The following KLF12 variants were observed in gnomAD, a reference collection of about 807,000 sequenced individuals.
The protein encoded by KLF12 is KLF transcription factor 12.
In KLF12, 9 loss-of-function variants were observed where a neutral mutation model predicts 37.8. The ratio of observed to expected loss-of-function variants is 0.24; its 90% CI spans 0.14 to 0.42. KLF12 has a LOEUF of 0.42. Ranked by LOEUF, KLF12 falls within the 10% of genes least tolerant of loss-of-function variation. The pLI is 1.00. For missense variants in KLF12, 411 were observed against 516.0 expected, an observed-to-expected ratio of 0.80 and a Z score of 1.97; for synonymous variants, 208 against 202.1, an observed-to-expected ratio of 1.03 and a Z score of -0.25.
the KLF12 span, among the ~76,000 whole-genome samples, chr13:74,295,542 TGTG>T: frequency 1.3e-5 from 2 of 152,190 alleles, no homozygotes; most frequent in Non-Finnish European, 2.9e-5. Flanking sequence ...AATGTGCTGT[TGTG>T]GTGTGTTGTT....
At chr13:73,758,479 C>T (rs4883948) in intron 6 of KLF12, among the ~76,000 whole-genome samples, 72,076 of 151,898 alleles carry the variant, frequency 0.47, 19,539 homozygotes, top group East Asian at 0.77. Context: ...GTTAGTATGA[C>T]GGAGATGTTT....
intron 2 of KLF12, among the ~76,000 whole-genome samples, chr13:73,963,566 T>C (rs934758741): frequency 5.3e-5 from 8 of 152,236 alleles, no homozygotes; most frequent in African/African-American, 1.9e-4. Flanking sequence ...AACAATGTTT[T>C]TGGAACATCT....
chr13:73,860,355 A>G (rs1233227899), intron 3 of KLF12, among the ~76,000 whole-genome samples: 1 of 152,174 alleles, frequency 6.6e-6, no homozygotes, highest in Non-Finnish European at 1.5e-5. Flanking sequence ...CACCTATCAC[A>G]GTCCCCAGTA....
At chr13:73,760,456 A>ACAGGTGCATAC (rs1879476751) in intron 6 of KLF12, among the ~76,000 whole-genome samples, 1 of 152,010 alleles carries the variant, frequency 6.6e-6, no homozygotes, top group Non-Finnish European at 1.5e-5. Flanking sequence ...AGCTAGGACT[A>ACAGGTGCATAC]CAGGTGCATA....
Position 73,848,501 on chromosome 13 carries a change from T to C in KLF12, c.124-2128A>G, listed in dbSNP as rs1023776515. Among the ~76,000 whole-genome samples the C allele has an allele frequency of 2.7e-5, 4 of 150,368 alleles. No homozygotes were observed. The East Asian group carries it at 7.7e-4, about 29-fold the overall frequency. On this transcript the variant is annotated intron_variant, in intron 3 of 7. Coordinates refer to ENST00000377669, the MANE Select transcript of KLF12 (RefSeq NM_007249.5). The stretch of plus-strand genomic sequence containing the variant: ...TCTTAAGAAGTTTCATAACAACATC[T>C]TGTTGCTATGAACAACAGGGTTATA...
intron 5 of KLF12, among the ~76,000 whole-genome samples, chr13:73,794,287 C>G (rs1300002447): frequency 6.6e-6 from 1 of 152,196 alleles, no homozygotes; most frequent in Non-Finnish European, 1.5e-5. Context: ...ATGGCGAAAC[C>G]CTGTCTCTAT....
the KLF12 span, among the ~76,000 whole-genome samples, chr13:74,167,985 C>T: frequency 6.6e-6 from 1 of 152,106 alleles, no homozygotes; most frequent in Non-Finnish European, 1.5e-5. Flanking sequence ...ATATTGTTCC[C>T]AACTGGTACA....
At chr13:73,946,770 G>A (rs1890441431) in intron 2 of KLF12, among the ~76,000 whole-genome samples, 1 of 152,144 alleles carries the variant, frequency 6.6e-6, no homozygotes, top group African/African-American at 2.4e-5. Flanking sequence ...CTGTATATAT[G>A]CCTGTTGCAA....
At chr13:74,231,669 A>C in the KLF12 span, 3 of 152,202 alleles carry the variant, frequency 2.0e-5, no homozygotes, top group East Asian at 5.8e-4. Context: ...ATTTAATATT[A>C]CAGGAAACCT....
At chr13:73,968,693 A>G (rs1891240672) in intron 2 of KLF12, among the ~76,000 whole-genome samples, 1 of 152,174 alleles carries the variant, frequency 6.6e-6, no homozygotes, top group Non-Finnish European at 1.5e-5. Flanking sequence ...TGTAAAGAAT[A>G]TTTTTGCAAA....
chr13:74,292,459 T>A, the KLF12 span, among the ~76,000 whole-genome samples: 1 of 152,028 alleles, frequency 6.6e-6, no homozygotes, highest in Non-Finnish European at 1.5e-5. Context: ...TTTCTTTTTT[T>A]TTTTTTGTAT....
At chr13:74,260,787 C>T in the KLF12 span, among the ~76,000 whole-genome samples, 6 of 151,632 alleles carry the variant, frequency 4.0e-5, no homozygotes, top group East Asian at 1.9e-4. Flanking sequence ...TAAAAATTTG[C>T]GGGTATGTGT....
At chr13:74,065,724 G>A (rs1374380072) in intron 1 of KLF12, among the ~76,000 whole-genome samples, 1 of 152,070 alleles carries the variant, frequency 6.6e-6, no homozygotes, top group African/African-American at 2.4e-5. Context: ...TGAGGGAAGT[G>A]CATGAGCAAC....
chr13:74,054,836 C>T (rs1167308098), intron 1 of KLF12, among the ~76,000 whole-genome samples: 1 of 152,170 alleles, frequency 6.6e-6, no homozygotes, highest in African/African-American at 2.4e-5. Context: ...AGAAAAATTA[C>T]TCATAAGCTT....
At chr13:73,771,127 C>A (rs1216297192) in intron 5 of KLF12, among the ~76,000 whole-genome samples, 1 of 152,182 alleles carries the variant, frequency 6.6e-6, no homozygotes, top group African/African-American at 2.4e-5. Flanking sequence ...CCCTCCCTAA[C>A]CTCCAGGTCT....
At chr13:74,097,862 A>AT (rs1054174791) in intron 1 of KLF12, among the ~76,000 whole-genome samples, 2 of 138,624 alleles carry the variant, frequency 1.4e-5, no homozygotes, top group African/African-American at 5.7e-5. Flanking sequence ...AAATATATAT[A>AT]TTTTTAAATA....
intron 1 of KLF12, among the ~76,000 whole-genome samples, chr13:74,063,985 C>T (rs990242559): frequency 2.6e-5 from 4 of 152,150 alleles, no homozygotes; most frequent in South Asian, 2.1e-4. Context: ...AAAGAAGAAG[C>T]TTCCATATGA....
chr13:73,715,216 C>G (rs1875708009), intron 7 of KLF12, 152 bp downstream of exon 7: 1 of 572,012 alleles, frequency 1.7e-6, no homozygotes. Flanking sequence ...TTCTCTCTTT[C>G]TCAAGAGAGA....
chr13:73,754,945 T>C (rs954663521), intron 6 of KLF12, among the ~76,000 whole-genome samples: 4 of 152,238 alleles, frequency 2.6e-5, no homozygotes, highest in Non-Finnish European at 5.9e-5. Flanking sequence ...GCCTTTAGCC[T>C]TTGTCTCCTA....
Sources: gnomAD v4.1 joint callset for allele counts (sites outside exome capture counted in the v4.1 genomes callset) on GRCh38, gnomAD v4.1.1 for gene constraint, MANE v1.5 for transcripts, NCBI Gene and HGNC (gene_info 2026-07-23, HGNC 2026-07-21) for gene names.